Variants in TMEM269 observed in about 807,000 individuals in gnomAD.
TMEM269 encodes transmembrane protein 269.
Under a neutral mutation model 15.8 loss-of-function variants are expected in TMEM269, and 12 were observed. That is an observed-to-expected ratio of 0.76 (90% CI 0.49 to 1.23). TMEM269 has a LOEUF of 1.23. Ranked by LOEUF, TMEM269 falls within the 50% of genes most tolerant of loss-of-function variation. The pLI, the probability that TMEM269 is intolerant of heterozygous loss-of-function variation, is 0.00. For missense variants in TMEM269, 211 were observed against 245.4 expected, an observed-to-expected ratio of 0.86 and a Z score of 0.94; for synonymous variants, 93 against 99.3, an observed-to-expected ratio of 0.94 and a Z score of 0.38.
In TMEM269 at chr1:42,797,694, C is replaced by G. The variant is rs529578531; in HGVS notation, c.485-404C>G. 1 of 406,986 alleles carries G rather than the reference C, an allele frequency of 2.5e-6. No homozygotes were observed. Among genetic ancestry groups the G allele is most frequent in the African/African-American group, 2.1e-5 (1 of 48,194 alleles). 25.2% of individuals were successfully genotyped at this position (406,986 alleles called of 1,614,324 possible). A position where few individuals can be genotyped will look rare whatever the true frequency, so the allele number is the denominator to read the frequency against. ...TGAGGATAGCAGTCTCAGGCCTGCA[C>G]GTAAACTCTTTTCTGCATACATATC... On this transcript the variant is annotated intron_variant, in intron 5 of 5. Coordinates refer to ENST00000637012, the MANE Select transcript of TMEM269 (RefSeq NM_001354602.2). This position sits in a 1 kb window ranked among gnomAD's most constrained non-coding sequence, Gnocchi z 4.9.
intron 1 of TMEM269, among the ~76,000 whole-genome samples, chr1:42,787,655 C>G (rs1279311876): frequency 1.4e-5 from 2 of 148,142 alleles, no homozygotes; most frequent in Admixed American, 1.3e-4. Context: ...CCTGACAGAG[C>G]TCACAGGGCC....
At chr1:42,791,697 T>A (rs969649767) in intron 2 of TMEM269, among the ~76,000 whole-genome samples, 17 of 152,030 alleles carry the variant, frequency 1.1e-4, no homozygotes, top group Non-Finnish European at 2.1e-4. Context: ...AAAGGAAGCA[T>A]AAAAAGTAAA....
In TMEM269 at chr1:42,794,505, C is replaced by G; in HGVS notation, c.376C>G (p.Leu126Val). The G allele has an allele frequency of 6.4e-7, 1 of 1,550,540 alleles. No homozygotes were observed. The highest frequency in any genetic ancestry group is 2.4e-5 in the East Asian group (1 of 40,926). Residue 126 changes from leucine to valine, a missense_variant, in exon 5 of 6, where the codon CTC (leucine) becomes GTC (valine). Transcript: ENST00000637012. Reference protein sequence around the residue: ...SLLTKGNRFILCCMASLMILF... With the variant: ...SLLTKGNRFIVCCMASLMILF... ...TCTGACCAAAGGCAACAGGTTCATCCTCTGCTGCATGGCCTCACTCATGAT... is the reference window on the plus strand; with the variant it reads ...TCTGACCAAAGGCAACAGGTTCATCGTCTGCTGCATGGCCTCACTCATGAT...
At chr1:42,798,055 C>T in intron 5 of TMEM269, 43 bp from the exon 6 acceptor site, 1 of 1,549,616 alleles carries the variant, frequency 6.5e-7, no homozygotes, top group Non-Finnish European at 8.7e-7. Flanking sequence ...GCATAGAAGA[C>T]AGCTTCCTAG....
At chr1:42,789,264 G>A in intron 1 of TMEM269, 2 of 599,278 alleles carry the variant, frequency 3.3e-6, no homozygotes, top group Non-Finnish European at 6.0e-6. Context: ...CTTGTGGGAA[G>A]TAGGCCTGCT....
chr1:42,798,025 G>A (rs759089175), intron 5 of TMEM269, 73 bp from the exon 6 acceptor site: 21 of 1,511,226 alleles, frequency 1.4e-5, no homozygotes, highest in South Asian at 6.0e-5. Context: ...GGGTGGGGAC[G>A]GGAGAGTAGA....
At position 42,792,867 on chromosome 1, in the gene TMEM269, C is replaced by A. The variant is rs1244623436; in HGVS notation, c.104C>A (p.Ala35Glu). The A allele has an allele frequency of 1.3e-6, 2 of 1,550,504 alleles. No individual in the cohort carries two copies. Among genetic ancestry groups the A allele is most frequent in the Non-Finnish European group, 1.7e-6 (2 of 1,146,984 alleles). ...VSFLLDMAVR[A>E]MTSHINICSK... ...TTCCTGTTAGACATGGCAGTCAGGGCAATGACCAGCCACATCAACATATGC... is the reference window on the plus strand; with the variant it reads ...TTCCTGTTAGACATGGCAGTCAGGGAAATGACCAGCCACATCAACATATGC... Residue 35 changes from alanine (A) to glutamate (E), a missense_variant, in exon 3 of 6, where the codon GCA becomes GAA. By Grantham distance (107) the Ala-to-Glu change is moderately radical. Transcript: ENST00000637012.
rs1653823379 is a variant in TMEM269, at chr1:42,798,268, G to A, written c.*43G>A. 6.5e-7 allele frequency: 1 copy of A among 1,539,102 alleles called. No individual in the cohort carries two copies. Among genetic ancestry groups the A allele is most frequent in the East Asian group, 2.4e-5 (1 of 40,902 alleles). On this transcript the variant is annotated 3_prime_UTR_variant, in exon 6 of 6. Transcript: ENST00000637012. ...ACCAGCTCCTGCCGGCCTCTGTGGG[G>A]TTTGTGTCAGCATATTGGGTCAAGC...
chr1:42,793,879 A>G, intron 4 of TMEM269, 135 bp downstream of exon 4: 1 of 1,054,090 alleles, frequency 9.5e-7, no homozygotes, highest in Admixed American at 2.9e-5. Context: ...TGCGTGCCCC[A>G]TGCCCCATGC....
chr1:42,789,303 A>T, intron 1 of TMEM269: 1 of 714,510 alleles, frequency 1.4e-6, no homozygotes, highest in Non-Finnish European at 2.4e-6. Context: ...CAGAACCAGG[A>T]CCTTGAGGCA....
Position 42,788,773 on chromosome 1 carries a change from G to C in TMEM269, c.-98-1023G>C, listed in dbSNP as rs945927757. 1.3e-5 allele frequency among the ~76,000 whole-genome samples: 2 copies of C among 152,166 alleles called. No individual in the cohort carries two copies. Among genetic ancestry groups the C allele is most frequent in the African/African-American group, 4.8e-5 (2 of 41,456 alleles). ...CTACTTACCATGTGACTTTGAGCAA[G>C]TATCTTCCTCTCTTTTAACTGTAGT... On this transcript the variant is annotated intron_variant, in intron 1 of 5. Transcript: ENST00000637012. The surrounding 1 kb of genome is among the most constrained non-coding windows in gnomAD (Gnocchi z 4.0).
Position 42,789,872 on chromosome 1 carries a change from C to T in TMEM269, c.-22C>T. ...ATGAGGTTTCCTGGAAGGATGTTACCAGTGCCTTATCTCTGGCCAACATGG... is the reference window on the plus strand; with the variant it reads ...ATGAGGTTTCCTGGAAGGATGTTACTAGTGCCTTATCTCTGGCCAACATGG... On this transcript the variant is annotated 5_prime_UTR_variant, in exon 2 of 6. Transcript: ENST00000637012. 1.9e-6 allele frequency: 3 copies of T among 1,550,888 alleles called. No homozygotes were observed. In the South Asian group the frequency reaches 3.6e-5, roughly 18 times the overall value.
intron 5 of TMEM269, 80 bp downstream of exon 5, chr1:42,794,693 C>A (rs1381532965): frequency 1.1e-6 from 1 of 946,770 alleles, no homozygotes; most frequent in Non-Finnish European, 1.7e-6. Flanking sequence ...ATTTTTCTAT[C>A]TCTCTTATTC....
chr1:42,797,200 T>A lies in TMEM269; in HGVS notation c.485-898T>A, dbSNP rs544120203. The stretch of plus-strand genomic sequence containing the variant: ...TGTTGGGAGTCCCCAAGACCACCCC[T>A]GAGAAGACTCACAGGACTCAGCTTG... On this transcript the variant is annotated intron_variant, in intron 5 of 5. Coordinates refer to ENST00000637012, the MANE Select transcript of TMEM269 (RefSeq NM_001354602.2). This position sits in a 1 kb window ranked among gnomAD's most constrained non-coding sequence, Gnocchi z 4.9. 5.3e-5 allele frequency among the ~76,000 whole-genome samples: 8 copies of A among 152,144 alleles called. No homozygotes were observed. The highest frequency in any genetic ancestry group is 7.4e-5 in the Non-Finnish European group (5 of 68,010).
rs1412706947 is a variant in TMEM269 at position 42,799,723 on chromosome 1, C to T, written c.*1498C>T. The T allele has an allele frequency of 6.6e-6, 1 of 152,184 alleles. No homozygotes were observed. The highest frequency in any genetic ancestry group is 1.5e-5 in the Non-Finnish European group (1 of 68,036). The allele number at this position is 152,184 out of a possible 1,614,324, so 9.4% of individuals were successfully genotyped here. A position where few individuals can be genotyped will look rare whatever the true frequency, so the allele number is the denominator to read the frequency against. On this transcript the variant is annotated 3_prime_UTR_variant, in exon 6 of 6. Transcript: ENST00000637012. ...GTGGTAAGAATTTTACAAATATACACGAGCTTAGACATTTCAATACAATGT... is the reference window on the plus strand; with the variant it reads ...GTGGTAAGAATTTTACAAATATACATGAGCTTAGACATTTCAATACAATGT...
chr1:42,789,406 CG>C, intron 1 of TMEM269: 3 of 1,532,188 alleles, frequency 2.0e-6, no homozygotes, highest in Non-Finnish European at 2.6e-6. Flanking sequence ...GCCAACCCTT[CG>C]TCAGTGACAA....
chr1:42,792,765 A>G (rs1383737559), intron 2 of TMEM269, 40 bp from the exon 3 acceptor site: 4 of 1,369,756 alleles, frequency 2.9e-6, no homozygotes, highest in Admixed American at 3.9e-5. Flanking sequence ...GGAAACTGCG[A>G]AAGTGCTTCC....
chr1:42,798,452 T>G lies in TMEM269; in HGVS notation c.*227T>G. 1 of 549,018 alleles carries G rather than the reference T, an allele frequency of 1.8e-6. No individual in the cohort carries two copies. The highest frequency in any genetic ancestry group is 3.2e-6 in the Non-Finnish European group (1 of 313,674). The allele number at this position is 549,018 out of a possible 1,614,324, so 34.0% of individuals were successfully genotyped here. On this transcript the variant is annotated 3_prime_UTR_variant, in exon 6 of 6. Coordinates refer to ENST00000637012, the MANE Select transcript of TMEM269 (RefSeq NM_001354602.2). ...TTGCGGACAATACTTGTTTATGTCA[T>G]GTAGAGCAGAATATCCCCCCGCCTC...
chr1:42,789,258 T>C lies in TMEM269; in HGVS notation c.-98-538T>C, dbSNP rs957925075. 14 of 595,464 alleles carry C rather than the reference T, an allele frequency of 2.4e-5. No individual in the cohort carries two copies. In the African/African-American group the frequency reaches 2.6e-4, roughly 11 times the overall value. 36.9% of individuals were successfully genotyped at this position (595,464 alleles called of 1,614,324 possible). A position where few individuals can be genotyped will look rare whatever the true frequency, so the allele number is the denominator to read the frequency against. ...TTTTAATCTGCCGTCTCTTTCCTTGTGGGAAGTAGGCCTGCTGTTCTGACT... is the reference window on the plus strand; with the variant it reads ...TTTTAATCTGCCGTCTCTTTCCTTGCGGGAAGTAGGCCTGCTGTTCTGACT... On this transcript the variant is annotated intron_variant, in intron 1 of 5. Transcript: ENST00000637012.
Sources: gnomAD v4.1 joint callset for allele counts (sites outside exome capture counted in the v4.1 genomes callset) on GRCh38, gnomAD v4.1.1 for gene constraint, Gnocchi (gnomAD v3.1) non-coding constraint, MANE v1.5 for transcripts, NCBI Gene and HGNC (gene_info 2026-07-23, HGNC 2026-07-21) for gene names.